Variants in DAGLA observed in about 807,000 individuals in gnomAD.
DAGLA encodes the protein diacylglycerol lipase-alpha.
In DAGLA, 22 loss-of-function variants were observed where a neutral mutation model predicts 102.6. That is an observed-to-expected ratio of 0.21 (90% CI 0.15 to 0.31). The LOEUF is 0.31. Among genes scored for constraint, DAGLA ranks in the 10% least tolerant of loss-of-function variants. DAGLA has a pLI of 1.00. For missense variants in DAGLA, 927 were observed against 1,446.6 expected (o/e 0.64, Z 5.83); for synonymous variants, 578 against 628.9 (o/e 0.92, Z 1.21).
rs2065523213 is a variant in DAGLA at position 61,744,798 on chromosome 11, C to T, written c.*309C>T. On this transcript the variant is annotated 3_prime_UTR_variant, in exon 20 of 20. Coordinates refer to ENST00000257215, the MANE Select transcript of DAGLA (RefSeq NM_006133.3). ...TGCCCTCCATGGGGGCATTCTGGCA[C>T]CCCCTGCTCCAGGACAGGCCATGGG... is the stretch of plus-strand genomic sequence containing the variant. 9.3e-6 allele frequency: 3 copies of T among 322,542 alleles called. No homozygotes were observed. Among genetic ancestry groups the T allele is most frequent in the Non-Finnish European group, 1.7e-5 (3 of 174,718 alleles). The allele number at this position is 322,542 out of a possible 1,614,324, so 20.0% of individuals were successfully genotyped here.
chr11:61,735,820 A>AC lies in DAGLA; in HGVS notation c.1290+7dup, dbSNP rs767620778. 8 of 1,607,082 alleles carry AC rather than the reference A, an allele frequency of 5.0e-6. No individual in the cohort carries two copies. The Admixed American group carries it at 1.3e-4, about 27-fold the overall frequency. Reference sequence around the variant, plus strand: ...CGGCACCTGGCTGGGCCACAAGGTAACCCACGTCATGGACCCCAGGGCCCC... The same window carrying AC: ...CGGCACCTGGCTGGGCCACAAGGTAACCCCACGTCATGGACCCCAGGGCCCC... On this transcript the variant is annotated splice_donor_region_variant and intron_variant, in intron 12 of 19. Coordinates refer to ENST00000257215, the MANE Select transcript of DAGLA (RefSeq NM_006133.3).
intron 3 of DAGLA, among the ~76,000 whole-genome samples, chr11:61,721,690 C>T (rs2065284421): frequency 1.3e-5 from 2 of 152,242 alleles, no homozygotes; most frequent in African/African-American, 2.4e-5. Context: ...CCTGTGTCCT[C>T]TTCTTGGGCT....
chr11:61,743,966 G>A lies in DAGLA; in HGVS notation c.2606G>A (p.Arg869Gln), dbSNP rs768015820. The A allele has an allele frequency of 2.0e-5, 33 of 1,611,762 alleles. No individual in the cohort carries two copies. The highest frequency in any genetic ancestry group is 2.6e-5 in the Non-Finnish European group (31 of 1,179,696). The change falls in exon 20 of 20, where the codon CGG becomes CAG. Residue 869 changes from arginine (R) to glutamine (Q), a missense_variant. Arg to Gln is a conservative substitution (Grantham distance 43). Around this residue, in one of 4 missense-constraint regions of DAGLA, gnomAD observed 434 missense variants for 503.3 expected, o/e 0.86. Transcript: ENST00000257215. ...ALGSGGVTPE[R>Q]PPSAAANDEE... ...GGCAGTGGCGGCGTCACTCCTGAGC[G>A]GCCCCCCAGTGCTGCGGCCAATGAC... is the stretch of plus-strand genomic sequence containing the variant.
chr11:61,743,019 GCAT>G (rs2065494230), intron 19 of DAGLA, among the ~76,000 whole-genome samples: 1 of 152,116 alleles, frequency 6.6e-6, no homozygotes, highest in Non-Finnish European at 1.5e-5. Context: ...GCTCAACCCA[GCAT>G]CAACTCTTTT....
chr11:61,712,705 C>T (rs1448511432), intron 1 of DAGLA, among the ~76,000 whole-genome samples: 2 of 152,206 alleles, frequency 1.3e-5, no homozygotes, highest in African/African-American at 4.8e-5. Flanking sequence ...GCTTTCTCTC[C>T]GTCGTCTCCC....
At chr11:61,689,561 G>A (rs1339013745) in intron 1 of DAGLA, among the ~76,000 whole-genome samples, 2 of 96,526 alleles carry the variant, frequency 2.1e-5, no homozygotes, top group Admixed American at 1.3e-4. Flanking sequence ...CTGGAGTGCA[G>A]TGGTGTGATC....
Position 61,736,265 on chromosome 11 carries a change from C to T in DAGLA, c.1291-5C>T, listed in dbSNP as rs781571225. On this transcript the variant is annotated splice_region_variant and splice_polypyrimidine_tract_variant and intron_variant, in intron 12 of 19. Coordinates refer to ENST00000257215, the MANE Select transcript of DAGLA (RefSeq NM_006133.3). ...CAACACCTGCTTCTGTTCCTGCCCA[C>T]CCAGGGTATGGTCCTCTCAGCTGAG... 12 of 1,613,774 alleles carry T rather than the reference C, an allele frequency of 7.4e-6. 1 individual carries two copies. The highest frequency in any genetic ancestry group is 1.6e-4 in the Middle Eastern group (1 of 6,084).
At chr11:61,742,635 C>G (rs1028701492) in intron 19 of DAGLA, among the ~76,000 whole-genome samples, 1 of 152,152 alleles carries the variant, frequency 6.6e-6, no homozygotes, top group Non-Finnish European at 1.5e-5. Flanking sequence ...GGAGGAGACC[C>G]GGATGAGGAA....
intron 1 of DAGLA, among the ~76,000 whole-genome samples, chr11:61,693,391 C>T (rs1591025361): frequency 6.6e-6 from 1 of 151,418 alleles, no homozygotes; most frequent in East Asian, 1.9e-4. Flanking sequence ...CTCTGTTGTC[C>T]AGGCCAGAGT....
In DAGLA at chr11:61,724,625, C is replaced by T. The variant is rs374227771; in HGVS notation, c.548+1053C>T. On this transcript the variant is annotated intron_variant, in intron 5 of 19. Transcript: ENST00000257215. ...CTGTGTTCGGCTCCCCGTGGACCTT[C>T]CACGTCAGCTCAGCACTGCAGCCAG... is the stretch of plus-strand genomic sequence containing the variant. 7.2e-5 allele frequency among the ~76,000 whole-genome samples: 11 copies of T among 152,332 alleles called. No individual in the cohort carries two copies. The East Asian group carries it at 1.5e-3, about 21-fold the overall frequency.
At chr11:61,680,801 G>T (rs1458950748) in intron 1 of DAGLA, among the ~76,000 whole-genome samples, 1 of 152,072 alleles carries the variant, frequency 6.6e-6, no homozygotes, top group African/African-American at 2.4e-5. Context: ...TGGTGGCCAC[G>T]CAGGTGTGAG....
chr11:61,743,621 C>T lies in DAGLA; in HGVS notation c.2261C>T (p.Pro754Leu), dbSNP rs565066817. ...GTTGCGGCGGCGGCCCGCCAGGACCCGGTGGAGCTGCTGCTGCTGTCTACC... is the reference window on the plus strand; with the variant it reads ...GTTGCGGCGGCGGCCCGCCAGGACCTGGTGGAGCTGCTGCTGCTGTCTACC... Reference protein sequence around the residue: ...PVVAAAARQDPVELLLLSTQE... With the variant: ...PVVAAAARQDLVELLLLSTQE... Residue 754 changes from proline (P) to leucine (L), a missense_variant, in exon 20 of 20, where the codon CCG becomes CTG. Coordinates refer to ENST00000257215, the MANE Select transcript of DAGLA (RefSeq NM_006133.3). 72 of 1,592,414 alleles carry T rather than the reference C, an allele frequency of 4.5e-5. No individual in the cohort carries two copies. The highest frequency in any genetic ancestry group is 5.2e-5 in the Non-Finnish European group (61 of 1,173,302).
intron 1 of DAGLA, among the ~76,000 whole-genome samples, chr11:61,719,221 T>G (rs1029460225): frequency 2.6e-5 from 4 of 152,216 alleles, no homozygotes; most frequent in Non-Finnish European, 4.4e-5. Flanking sequence ...TTCCTGAGCT[T>G]GCTTGGGGCT....
At chr11:61,704,019 TTC>T (rs930588977) in intron 1 of DAGLA, among the ~76,000 whole-genome samples, 4 of 152,324 alleles carry the variant, frequency 2.6e-5, no homozygotes, top group Non-Finnish European at 4.4e-5. Context: ...TCTCAGATCC[TTC>T]TTGGCCTCTC....
In DAGLA at chr11:61,684,439, T is replaced by C. The variant is rs1258295565; in HGVS notation, c.-45+3935T>C. ...TGATACTGACTTGGGCTGGGCGTGG[T>C]CTTTCTGGGTTGGATGGGAAGCGTG... On this transcript the variant is annotated intron_variant, in intron 1 of 19. Coordinates refer to ENST00000257215, the MANE Select transcript of DAGLA (RefSeq NM_006133.3). This position sits in a 1 kb window ranked among gnomAD's most constrained non-coding sequence, Gnocchi z 4.5. Among the ~76,000 whole-genome samples the C allele has an allele frequency of 6.6e-6, 1 of 152,120 alleles. No individual in the cohort carries two copies. Among genetic ancestry groups the C allele is most frequent in the African/African-American group, 2.4e-5 (1 of 41,416 alleles).
intron 10 of DAGLA, among the ~76,000 whole-genome samples, 160 bp downstream of exon 10, chr11:61,735,162 C>T (rs759426217): frequency 1.6e-4 from 24 of 152,216 alleles, no homozygotes; most frequent in Non-Finnish European, 2.2e-4. Context: ...AGGTGGCCCC[C>T]TTCTCTTCCC....
At chr11:61,725,348 A>T (rs2065316412) in intron 5 of DAGLA, among the ~76,000 whole-genome samples, 1 of 152,006 alleles carries the variant, frequency 6.6e-6, no homozygotes, top group Admixed American at 6.5e-5. Flanking sequence ...CCCACTGGGG[A>T]TGGGGTTGGG....
chr11:61,737,407 T>A, intron 14 of DAGLA, 83 bp downstream of exon 14: 1 of 1,573,454 alleles, frequency 6.4e-7, no homozygotes, highest in East Asian at 2.2e-5. Context: ...GGGGCTGGAC[T>A]GGGAGTCTGA....
intron 19 of DAGLA, among the ~76,000 whole-genome samples, chr11:61,742,222 G>A (rs1336580343): frequency 6.6e-6 from 1 of 152,172 alleles, no homozygotes; most frequent in South Asian, 2.1e-4. Context: ...GAACAGAGGC[G>A]TGCACACATG....
Sources: allele counts gnomAD v4.1 joint callset (sites outside exome capture counted in the v4.1 genomes callset), GRCh38; gene constraint gnomAD v4.1.1; regional missense constraint gnomAD v4.1.1; non-coding constraint Gnocchi (gnomAD v3.1); transcripts MANE v1.5; gene names NCBI Gene and HGNC (gene_info 2026-07-23, HGNC 2026-07-21).